The following ZNF174 variants were observed in gnomAD, a reference collection of about 807,000 sequenced individuals.
ZNF174 encodes zinc finger protein 174.
A neutral mutation model predicts 38.7 loss-of-function variants in ZNF174; 30 were observed. The ratio of observed to expected loss-of-function variants is 0.78; its 90% CI spans 0.58 to 1.05. ZNF174 has a LOEUF of 1.05. ZNF174 is among the 50% of genes least tolerant of loss of function. The pLI is 0.00. For missense variants in ZNF174, 499 were observed against 495.6 expected (o/e 1.01, Z -0.06); for synonymous variants, 201 against 181.7 (o/e 1.11, Z -0.86).
chr16:3,404,607 C>G lies in ZNF174; in HGVS notation c.584C>G (p.Ser195Cys). The change falls in exon 2 of 3, where the codon TCC becomes TGC. Residue 195 changes from serine (S) to cysteine (C), a missense_variant. Ser to Cys is a moderately radical substitution (Grantham distance 112). Coordinates refer to ENST00000268655, the MANE Select transcript of ZNF174 (RefSeq NM_003450.3). ...CTGAGCCCCCATCATTGGGAGAAAT[C>G]CCCACTCCTCCAAGAACCAACCCCC... ...DRLSPHHWEKSPLLQEPTPKL... is the reference protein window; with the variant it reads ...DRLSPHHWEKCPLLQEPTPKL... 1 of 1,614,226 alleles carries G rather than the reference C, an allele frequency of 6.2e-7. No individual in the cohort carries two copies. The highest frequency in any genetic ancestry group is 1.7e-5 in the Admixed American group (1 of 60,036).
Position 3,401,240 on chromosome 16 carries a change from C to G in ZNF174, c.-765C>G, listed in dbSNP as rs982022718. The G allele has an allele frequency of 6.6e-6, 1 of 152,496 alleles. No individual in the cohort carries two copies. The highest frequency in any genetic ancestry group is 1.9e-4 in the East Asian group (1 of 5,172). 9.4% of individuals were successfully genotyped at this position (152,496 alleles called of 1,614,324 possible). ...AGCCCGTGCTCGCCGGTGTCGGGTC[C>G]TAAGTCCCTCGGTCTTGGGTTCCCG... is the stretch of plus-strand genomic sequence containing the variant. On this transcript the variant is annotated 5_prime_UTR_variant, in exon 1 of 3. Transcript: ENST00000268655.
chr16:3,404,153 G>A (rs2034015397), intron 1 of ZNF174, among the ~76,000 whole-genome samples: 1 of 152,106 alleles, frequency 6.6e-6, no homozygotes, highest in Non-Finnish European at 1.5e-5. Context: ...CCTGATATTT[G>A]TGCCAGCAAC....
At chr16:3,405,371 T>A (rs2034040657) in intron 2 of ZNF174, among the ~76,000 whole-genome samples, 1 of 152,212 alleles carries the variant, frequency 6.6e-6, no homozygotes, top group Non-Finnish European at 1.5e-5. Context: ...GGAGTTTATT[T>A]CTCACAGTTC....
Position 3,401,299 on chromosome 16 carries a change from G to C in ZNF174, c.-706G>C, listed in dbSNP as rs936518281. The C allele has an allele frequency of 6.6e-6, 1 of 152,642 alleles. No homozygotes were observed. The highest frequency in any genetic ancestry group is 2.4e-5 in the African/African-American group (1 of 41,464). 9.5% of individuals were successfully genotyped at this position (152,642 alleles called of 1,614,324 possible). ...AGTCGGCTGCAGGTGGGTGCGGGGC[G>C]CCGGGCTGTTCGGGGTACCGGTGTC... On this transcript the variant is annotated 5_prime_UTR_variant, in exon 1 of 3. Transcript: ENST00000268655.
Position 3,408,456 on chromosome 16 carries a change from T to A in ZNF174, c.761T>A (p.Met254Lys), listed in dbSNP as rs769183535. 1 of 1,613,964 alleles carries A rather than the reference T, an allele frequency of 6.2e-7. No homozygotes were observed. The highest frequency in any genetic ancestry group is 8.5e-7 in the Non-Finnish European group (1 of 1,180,018). ...AATCCTGAACCAAGAGGGGCAAATA[T>A]GAGTGAACCTCGGTTGTCACGGAGG... ...LQNPEPRGAN[M>K]SEPRLSRRQV... Residue 254 changes from methionine (M) to lysine (K), a missense_variant, in exon 3 of 3, where the codon ATG (methionine) becomes AAG (lysine). Transcript: ENST00000268655.
rs1245077746 is a variant in ZNF174, at chr16:3,402,025, A to T, written c.21A>T (p.Ile7=). ...CCAAAATGGCAGCTAAAATGGAGATAACTTTAAGCTCCAACACTGAAGCTT... is the reference window on the plus strand; with the variant it reads ...CCAAAATGGCAGCTAAAATGGAGATTACTTTAAGCTCCAACACTGAAGCTT... MAAKME[I]TLSSNTEASS... Residue 7 remains isoleucine (I), a synonymous_variant, in exon 1 of 3, where the codon ATA becomes ATT. Coordinates refer to ENST00000268655, the MANE Select transcript of ZNF174 (RefSeq NM_003450.3). The T allele has an allele frequency of 1.9e-6, 3 of 1,612,596 alleles. No homozygotes were observed. The highest frequency in any genetic ancestry group is 1.3e-5 in the African/African-American group (1 of 74,812).
intron 2 of ZNF174, chr16:3,404,937 T>C (rs144260792): frequency 9.1e-5 from 147 of 1,614,080 alleles, no homozygotes; most frequent in Non-Finnish European, 1.2e-4. Context: ...CAGATCCAAA[T>C]ATGGCCACAG....
Position 3,404,561 on chromosome 16 carries a change from C to G in ZNF174, c.538C>G (p.Gln180Glu), listed in dbSNP as rs779170991. The part of the protein sequence containing the change: ...LRESSPAEPS[Q>E]AGAYDRLSPH... Reference sequence around the variant, plus strand: ...GGAGAGCTCTCCAGCAGAGCCTTCCCAGGCAGGAGCTTATGACCGGCTGAG... The same window carrying G: ...GGAGAGCTCTCCAGCAGAGCCTTCCGAGGCAGGAGCTTATGACCGGCTGAG... Residue 180 changes from glutamine (Q) to glutamate (E), a missense_variant, in exon 2 of 3, where the codon CAG (glutamine) becomes GAG (glutamate). Physicochemically the swap from Gln to Glu is conservative, Grantham distance 29. Transcript: ENST00000268655. 1 of 1,614,098 alleles carries G rather than the reference C, an allele frequency of 6.2e-7. No individual in the cohort carries two copies. The highest frequency in any genetic ancestry group is 2.2e-5 in the East Asian group (1 of 44,888).
rs1467905644 is a variant in ZNF174 at position 3,403,017 on chromosome 16, C to T, written c.402+611C>T. On this transcript the variant is annotated intron_variant, in intron 1 of 2. Transcript: ENST00000268655. ...AAATCCCTTCTGTCAGCTCTTCCCC[C>T]ACCCAACTTAGTTTTCCTACTAGCA... 2.6e-5 allele frequency among the ~76,000 whole-genome samples: 4 copies of T among 152,144 alleles called. No homozygotes were observed. In the East Asian group the frequency reaches 7.7e-4, roughly 29 times the overall value.
At chr16:3,404,909 AACTTC>A (rs1283629907) in intron 2 of ZNF174, 4 of 1,613,812 alleles carry the variant, frequency 2.5e-6, no homozygotes, top group Non-Finnish European at 2.5e-6. Context: ...TCCGTTTCAG[AACTTC>A]TTATAGAAAA....
At position 3,402,141 on chromosome 16, in the gene ZNF174, G is replaced by A. The variant is rs1567338154; in HGVS notation, c.137G>A (p.Arg46His). ...QKNCPDPELC[R>H]QSFRRFCYQE... The stretch of plus-strand genomic sequence containing the variant: ...AACTGCCCAGATCCTGAGCTCTGCC[G>A]CCAGAGCTTCAGACGCTTTTGTTAT... Residue 46 changes from arginine to histidine, a missense_variant, in exon 1 of 3, where the codon CGC becomes CAC. Arg to His is a conservative substitution (Grantham distance 29, BLOSUM62 0). Transcript: ENST00000268655. The A allele has an allele frequency of 1.2e-6, 2 of 1,614,132 alleles. No individual in the cohort carries two copies. Among genetic ancestry groups the A allele is most frequent in the Non-Finnish European group, 1.7e-6 (2 of 1,180,020 alleles).
At chr16:3,407,108 A>G (rs1384026157) in intron 2 of ZNF174, among the ~76,000 whole-genome samples, 1 of 152,344 alleles carries the variant, frequency 6.6e-6, no homozygotes, top group Non-Finnish European at 1.5e-5. Flanking sequence ...GGGAAGTTCA[A>G]GATCAAGGTG....
Position 3,404,408 on chromosome 16 carries a change from G to T in ZNF174, c.403-18G>T, listed in dbSNP as rs1386500926. The T allele has an allele frequency of 1.3e-6, 2 of 1,582,628 alleles. No homozygotes were observed. The highest frequency in any genetic ancestry group is 4.5e-5 in the East Asian group (2 of 44,426). On this transcript the variant is annotated intron_variant, in intron 1 of 2. Coordinates refer to ENST00000268655, the MANE Select transcript of ZNF174 (RefSeq NM_003450.3). ...TCAGTCCTGATGGATGGAATTAATGGATGGGGCTTGTTCCTAGGTGGCCGT... is the reference window on the plus strand; with the variant it reads ...TCAGTCCTGATGGATGGAATTAATGTATGGGGCTTGTTCCTAGGTGGCCGT...
chr16:3,408,249 A>T, intron 2 of ZNF174, 72 bp from the exon 3 acceptor site: 1 of 1,438,260 alleles, frequency 7.0e-7, no homozygotes, highest in Non-Finnish European at 9.4e-7. Flanking sequence ...AACCTCTCAG[A>T]GTATTTCATA....
intron 1 of ZNF174, among the ~76,000 whole-genome samples, chr16:3,403,459 C>A (rs1169865843): frequency 6.6e-6 from 1 of 151,342 alleles, no homozygotes; most frequent in African/African-American, 2.4e-5. Context: ...GCGTGAGCCA[C>A]CACACCTGGC....
intron 2 of ZNF174, 105 bp downstream of exon 2, chr16:3,404,753 G>A: frequency 4.0e-6 from 6 of 1,518,194 alleles, no homozygotes; most frequent in Non-Finnish European, 5.4e-6. Context: ...TTTTTTAAAT[G>A]TTATATATAA....
rs796599640 is a variant in ZNF174 at position 3,401,731 on chromosome 16, A to G, written c.-274A>G. 2.4e-5 allele frequency: 9 copies of G among 375,406 alleles called. No individual in the cohort carries two copies. Among genetic ancestry groups the G allele is most frequent in the African/African-American group, 1.7e-4 (8 of 46,124 alleles). The allele number at this position is 375,406 out of a possible 1,614,324, so 23.3% of individuals were successfully genotyped here. ...GAAATAAAAGAAGTATTTTTTCCCC[A>G]GAGTCCTTTTAGGACGTTATGACTT... On this transcript the variant is annotated 5_prime_UTR_variant, in exon 1 of 3. Coordinates refer to ENST00000268655, the MANE Select transcript of ZNF174 (RefSeq NM_003450.3).
In ZNF174 at chr16:3,409,004, G is replaced by T; in HGVS notation, c.*85G>T. ...CTTGCATGTAAATCACAAAAACTGT[G>T]TGACTTACAAGGAAAGCACGAGGCC... is the stretch of plus-strand genomic sequence containing the variant. On this transcript the variant is annotated 3_prime_UTR_variant, in exon 3 of 3. Coordinates refer to ENST00000268655, the MANE Select transcript of ZNF174 (RefSeq NM_003450.3). 2 of 1,374,640 alleles carry T rather than the reference G, an allele frequency of 1.5e-6. No individual in the cohort carries two copies. The highest frequency in any genetic ancestry group is 2.0e-6 in the Non-Finnish European group (2 of 1,008,494). The allele number at this position is 1,374,640 out of a possible 1,614,324, so 85.2% of individuals were successfully genotyped here.
intron 2 of ZNF174, chr16:3,405,224 C>A: frequency 1.5e-6 from 1 of 664,324 alleles, no homozygotes; most frequent in Non-Finnish European, 2.3e-6. Context: ...ACAGTGAGCA[C>A]GTTAGGGAGG....
Sources: gnomAD v4.1 joint callset for allele counts (sites outside exome capture counted in the v4.1 genomes callset) on GRCh38, gnomAD v4.1.1 for gene constraint, MANE v1.5 for transcripts, NCBI Gene and HGNC (gene_info 2026-07-23, HGNC 2026-07-21) for gene names.